The following ELAVL2 variants were observed in gnomAD, a reference collection of about 807,000 sequenced individuals.
ELAVL2 encodes the protein ELAV like RNA binding protein 2.
Under a neutral mutation model 34.6 loss-of-function variants are expected in ELAVL2, and 4 were observed. The ratio of observed to expected loss-of-function variants is 0.12; its 90% confidence interval spans 0.06 to 0.26. The LOEUF (loss-of-function observed/expected upper bound fraction) is 0.26. Among genes scored for constraint, ELAVL2 ranks in the 10% least tolerant of loss-of-function variants. The pLI, the probability that ELAVL2 is intolerant of heterozygous loss-of-function variation, is 1.00. For missense variants in ELAVL2, 432 were observed against 442.8 expected (o/e 0.98, Z 0.22); for synonymous variants, 193 against 154.8 (o/e 1.25, Z -1.83).
At chr9:23,798,247 C>G (rs958632530) in intron 1 of ELAVL2, among the ~76,000 whole-genome samples, 6 of 152,164 alleles carry the variant, frequency 3.9e-5, no homozygotes, top group African/African-American at 9.7e-5. Flanking sequence ...AAGGTCGCAA[C>G]AGCAAAACAG....
chr9:23,778,900 G>A (rs1467007377), intron 1 of ELAVL2, among the ~76,000 whole-genome samples: 3 of 152,090 alleles, frequency 2.0e-5, no homozygotes, highest in Non-Finnish European at 4.4e-5. Flanking sequence ...CTATGGATTT[G>A]GATTAGAAAG....
chr9:23,822,041 G>A (rs892029233), intron 1 of ELAVL2, among the ~76,000 whole-genome samples: 1 of 151,888 alleles, frequency 6.6e-6, no homozygotes, highest in Non-Finnish European at 1.5e-5. Flanking sequence ...AGGCTTCCCC[G>A]ACAAGGTTTC....
At chr9:23,773,100 G>GC (rs2057598156) in intron 1 of ELAVL2, among the ~76,000 whole-genome samples, 1 of 152,150 alleles carries the variant, frequency 6.6e-6, no homozygotes, top group Admixed American at 6.5e-5. Flanking sequence ...TACATTCAAT[G>GC]CAAGTGTTAT....
intron 1 of ELAVL2, among the ~76,000 whole-genome samples, chr9:23,787,524 G>A (rs1273610242): frequency 2.0e-5 from 3 of 150,950 alleles, no homozygotes; most frequent in Non-Finnish European, 4.4e-5. Context: ...GAGCCACCAC[G>A]CCTGGCCTCA....
chr9:23,747,552 G>C (rs536509792), intron 2 of ELAVL2, among the ~76,000 whole-genome samples: 1 of 152,086 alleles, frequency 6.6e-6, no homozygotes, highest in Non-Finnish European at 1.5e-5. Context: ...GGTTAAGCTT[G>C]AGTCATCTTT....
At chr9:23,808,912 G>A (rs16907788) in intron 1 of ELAVL2, among the ~76,000 whole-genome samples, 26,036 of 152,088 alleles carry the variant, frequency 0.17, 2,621 homozygotes, top group Admixed American at 0.26. Flanking sequence ...GAACTGGGGA[G>A]CTACAAAGCA....
chr9:23,767,206 A>G (rs961651941), intron 1 of ELAVL2, among the ~76,000 whole-genome samples: 8 of 152,220 alleles, frequency 5.3e-5, no homozygotes, highest in Non-Finnish European at 1.0e-4. Context: ...AAAGCCATAA[A>G]GACTTCTAAA....
chr9:23,700,624 A>G (rs2036855750), intron 5 of ELAVL2, among the ~76,000 whole-genome samples: 1 of 152,174 alleles, frequency 6.6e-6, no homozygotes, highest in Non-Finnish European at 1.5e-5. Context: ...CATTTTTAAC[A>G]GGTTGTTTAA....
intron 1 of ELAVL2, among the ~76,000 whole-genome samples, chr9:23,774,490 A>G (rs1369345422): frequency 1.3e-5 from 2 of 152,208 alleles, no homozygotes; most frequent in African/African-American, 4.8e-5. Flanking sequence ...AACGGTGACT[A>G]AGGAAGTTAA....
At chr9:23,748,402 G>A (rs1182705199) in intron 2 of ELAVL2, among the ~76,000 whole-genome samples, 1 of 152,120 alleles carries the variant, frequency 6.6e-6, no homozygotes, top group African/African-American at 2.4e-5. Context: ...GTCCCTGGAT[G>A]CTCTGACTCT....
intron 2 of ELAVL2, among the ~76,000 whole-genome samples, chr9:23,743,655 A>T (rs1386667708): frequency 6.6e-6 from 1 of 152,198 alleles, no homozygotes; most frequent in Non-Finnish European, 1.5e-5. Context: ...CTTTCCTATG[A>T]AACAGGAAAA....
chr9:23,699,812 G>GTTTTTTTTTTTTTTTTTTTTT (rs199637833), intron 5 of ELAVL2, among the ~76,000 whole-genome samples: 1 of 82,976 alleles, frequency 1.2e-5, no homozygotes, highest in Non-Finnish European at 2.3e-5. Flanking sequence ...GGTGGCAAAG[G>GTTTTTTTTTTTTTTTTTTTTT]TTTTTTTTTT....
intron 1 of ELAVL2, among the ~76,000 whole-genome samples, chr9:23,823,198 T>G (rs756330828): frequency 3.3e-5 from 5 of 152,216 alleles, no homozygotes; most frequent in Non-Finnish European, 2.9e-5. Context: ...GGAAAACTGC[T>G]CAAAGCGCCT....
chr9:23,848,692 A>T, the ELAVL2 span, among the ~76,000 whole-genome samples: 1 of 152,236 alleles, frequency 6.6e-6, no homozygotes, highest in Non-Finnish European at 1.5e-5. Flanking sequence ...TCCTATGATC[A>T]CAGGAAGTTT....
At chr9:23,815,126 G>C (rs1420854767) in intron 1 of ELAVL2, among the ~76,000 whole-genome samples, 1 of 151,914 alleles carries the variant, frequency 6.6e-6, no homozygotes, top group Non-Finnish European at 1.5e-5. Context: ...TTGATAAGAG[G>C]TTAAATAAAA....
intron 2 of ELAVL2, among the ~76,000 whole-genome samples, chr9:23,741,171 T>C (rs1189433744): frequency 6.6e-6 from 1 of 151,944 alleles, no homozygotes; most frequent in South Asian, 2.1e-4. Flanking sequence ...GACAAACAAA[T>C]TAAGGTAATA....
the ELAVL2 span, among the ~76,000 whole-genome samples, chr9:23,840,968 C>A: frequency 1.3e-5 from 2 of 152,102 alleles, no homozygotes; most frequent in Non-Finnish European, 2.9e-5. Context: ...ATGACCACCC[C>A]ACAAGTTACT....
In ELAVL2 at chr9:23,768,153, C is replaced by G. The variant is rs190400350; in HGVS notation, c.-15-5904G>C. Among the ~76,000 whole-genome samples, 98 of 152,320 alleles carry G rather than the reference C, an allele frequency of 6.4e-4. 1 individual carries two copies. The highest frequency in any genetic ancestry group is 2.2e-3 in the African/African-American group (93 of 41,578). ...TGCTGCCTATCAAATGAAGTGTAAACTACTAGGTATCAACAGAAATCCTGT... is the reference window on the plus strand; with the variant it reads ...TGCTGCCTATCAAATGAAGTGTAAAGTACTAGGTATCAACAGAAATCCTGT... On this transcript the variant is annotated intron_variant, in intron 1 of 6. Coordinates refer to ENST00000397312, the MANE Select transcript of ELAVL2 (RefSeq NM_004432.5).
At chr9:23,786,712 G>A (rs901757912) in intron 1 of ELAVL2, among the ~76,000 whole-genome samples, 3 of 138,682 alleles carry the variant, frequency 2.2e-5, no homozygotes, top group African/African-American at 5.4e-5. Flanking sequence ...GACAGAAAAC[G>A]AAGACATTAA....
Sources: allele counts gnomAD v4.1 joint callset (sites outside exome capture counted in the v4.1 genomes callset), GRCh38; gene constraint gnomAD v4.1.1; transcripts MANE v1.5; gene names NCBI Gene and HGNC (gene_info 2026-07-23, HGNC 2026-07-21).